Variants in AVEN observed in about 807,000 individuals in gnomAD.
The protein encoded by AVEN is apoptosis and caspase activation inhibitor.
Under a neutral mutation model 38.1 loss-of-function variants are expected in AVEN, and 41 were observed. The ratio of observed to expected loss-of-function variants is 1.08; its 90% CI spans 0.84 to 1.40. The LOEUF is 1.40. AVEN is among the 40% of genes most tolerant of loss of function. The probability of loss-of-function intolerance (pLI) is 0.00; values close to 1 mark genes in which losing one functional copy is unlikely to be tolerated. For synonymous variants in AVEN, 206 were observed against 171.8 expected (o/e 1.20, Z -1.56); for missense variants, 605 against 438.8 (o/e 1.38, Z -3.38).
rs148035145 is a variant in AVEN, at chr15:33,983,215, C to CAT, written c.445+19815_445+19816dup. The stretch of plus-strand genomic sequence containing the variant: ...GTATGTGTGTGTATATATATATATA[C>CAT]ATATATATACACACACATACACACA... On this transcript the variant is annotated intron_variant, in intron 2 of 5. Coordinates refer to ENST00000306730, the MANE Select transcript of AVEN (RefSeq NM_020371.3). Among the ~76,000 whole-genome samples the CAT allele has an allele frequency of 1.1e-3, 121 of 111,810 alleles. 1 individual carries two copies. The highest frequency in any genetic ancestry group is 3.6e-3 in the African/African-American group (89 of 24,464). The allele number at this position is 111,810 out of a possible 152,430, so 73.4% of individuals were successfully genotyped here.
chr15:34,056,073 T>C (rs999257265), intron 5 of AVEN, among the ~76,000 whole-genome samples: 3 of 152,188 alleles, frequency 2.0e-5, no homozygotes, highest in Non-Finnish European at 4.4e-5. Flanking sequence ...ACTCAAAATA[T>C]GCTGAGGGCT....
At chr15:33,908,786 TA>T (rs1219044882) in intron 2 of AVEN, among the ~76,000 whole-genome samples, 3 of 152,166 alleles carry the variant, frequency 2.0e-5, no homozygotes, top group African/African-American at 7.2e-5. Flanking sequence ...ATCAATATTT[TA>T]AAAAGACAAA....
intron 11 of AVEN, among the ~76,000 whole-genome samples, chr15:33,860,159 T>C (rs2080183647): frequency 6.6e-6 from 1 of 152,130 alleles, no homozygotes; most frequent in Admixed American, 6.5e-5. Context: ...GATGATAAAT[T>C]TAGCTTGAGT....
At chr15:33,970,996 T>A (rs913867530) in intron 2 of AVEN, among the ~76,000 whole-genome samples, 1 of 151,990 alleles carries the variant, frequency 6.6e-6, no homozygotes, top group Non-Finnish European at 1.5e-5. Context: ...GAAAAGTGAT[T>A]ACTGAAGTTT....
At position 33,963,353 on chromosome 15, in the gene AVEN, T is replaced by G. The variant is rs146184900; in HGVS notation, c.445+39679A>C. 2.7e-3 allele frequency among the ~76,000 whole-genome samples: 410 copies of G among 152,298 alleles called. 2 individuals are homozygous for G. Among genetic ancestry groups the G allele is most frequent in the Non-Finnish European group, 2.7e-3 (186 of 68,024 alleles). On this transcript the variant is annotated intron_variant, in intron 2 of 5. Coordinates refer to ENST00000306730, the MANE Select transcript of AVEN (RefSeq NM_020371.3). Reference sequence around the variant, plus strand: ...GAAGATAGATCCTTTCTTTAAAATTTATCTGATATAAAGCAAAATGGAAAT... The same window carrying G: ...GAAGATAGATCCTTTCTTTAAAATTGATCTGATATAAAGCAAAATGGAAAT...
intron 2 of AVEN, among the ~76,000 whole-genome samples, chr15:33,897,332 C>CT (rs1892274373): frequency 6.6e-6 from 1 of 152,114 alleles, no homozygotes; most frequent in Non-Finnish European, 1.5e-5. Context: ...GACTCACACT[C>CT]TATCGCCCAG....
At chr15:33,853,298 C>T in the AVEN span, among the ~76,000 whole-genome samples, 3 of 152,200 alleles carry the variant, frequency 2.0e-5, no homozygotes, top group African/African-American at 7.2e-5. Context: ...TTAACACAGT[C>T]CTCATTGTTT....
intron 5 of AVEN, among the ~76,000 whole-genome samples, chr15:34,053,715 C>T (rs1225875411): frequency 2.0e-5 from 3 of 152,024 alleles, no homozygotes; most frequent in Non-Finnish European, 4.4e-5. Context: ...AAACCCAAAA[C>T]TATAAAAACT....
chr15:33,984,742 G>T (rs1305308113), intron 2 of AVEN, among the ~76,000 whole-genome samples: 1 of 152,106 alleles, frequency 6.6e-6, no homozygotes, highest in Non-Finnish European at 1.5e-5. Flanking sequence ...TTTCATTGAA[G>T]AACAAACATC....
upstream of AVEN, among the ~76,000 whole-genome samples, chr15:34,041,071 A>G (rs1899455779): frequency 6.6e-6 from 1 of 151,904 alleles, no homozygotes; most frequent in Non-Finnish European, 1.5e-5. Context: ...ATTTGCACAA[A>G]TCGGAGTTTC....
chr15:33,944,576 G>A lies in AVEN; in HGVS notation c.445+58456C>T, dbSNP rs996643613. 4.7e-4 allele frequency among the ~76,000 whole-genome samples: 71 copies of A among 152,268 alleles called. 1 individual carries two copies. The highest frequency in any genetic ancestry group is 4.1e-3 in the Admixed American group (62 of 15,294). On this transcript the variant is annotated intron_variant, in intron 2 of 5. Transcript: ENST00000306730. ...TGTAATCCCAGCACTTTGGGAGGCCGAGGCGGGTGGATCACGAGGTCAGGA... is the reference window on the plus strand; with the variant it reads ...TGTAATCCCAGCACTTTGGGAGGCCAAGGCGGGTGGATCACGAGGTCAGGA...
intron 2 of AVEN, among the ~76,000 whole-genome samples, chr15:33,947,534 G>A (rs1159649637): frequency 2.0e-5 from 3 of 152,128 alleles, no homozygotes; most frequent in Non-Finnish European, 4.4e-5. Flanking sequence ...GAACCCCTGA[G>A]GATACCAAAA....
At chr15:33,960,469 GC>G in intron 2 of AVEN, among the ~76,000 whole-genome samples, 1 of 151,796 alleles carries the variant, frequency 6.6e-6, no homozygotes, top group South Asian at 2.1e-4. Flanking sequence ...AGATTTTGTT[GC>G]CACTTCCACT....
chr15:33,987,867 C>A (rs1007280987), intron 2 of AVEN, among the ~76,000 whole-genome samples: 2 of 152,204 alleles, frequency 1.3e-5, no homozygotes, highest in African/African-American at 4.8e-5. Context: ...AGCTTTCTGG[C>A]CCCATGGAAA....
chr15:33,870,329 C>T (rs1355261223), intron 4 of AVEN, among the ~76,000 whole-genome samples: 1 of 152,178 alleles, frequency 6.6e-6, no homozygotes. Context: ...TCCAATCCCA[C>T]AGTCTTCTCT....
upstream of AVEN, among the ~76,000 whole-genome samples, chr15:34,042,712 A>G (rs1899523080): frequency 1.3e-5 from 2 of 151,964 alleles, no homozygotes; most frequent in Admixed American, 1.3e-4. Flanking sequence ...AACCTAAGTT[A>G]TTTTTTAAAT....
intron 2 of AVEN, among the ~76,000 whole-genome samples, chr15:33,944,351 A>G (rs2153054507): frequency 6.6e-6 from 1 of 152,358 alleles, no homozygotes; most frequent in African/African-American, 2.4e-5. Flanking sequence ...GCCGGCAACT[A>G]TAACGTGTCC....
At chr15:33,948,824 C>G (rs545674635) in intron 2 of AVEN, among the ~76,000 whole-genome samples, 50 of 152,248 alleles carry the variant, frequency 3.3e-4, no homozygotes, top group Non-Finnish European at 6.0e-4. Context: ...AGGTGCCCAT[C>G]ACCACGTCTG....
intron 2 of AVEN, among the ~76,000 whole-genome samples, chr15:33,984,029 C>A (rs946736344): frequency 6.6e-6 from 1 of 151,310 alleles, no homozygotes; most frequent in Non-Finnish European, 1.5e-5. Flanking sequence ...GAAACTGTCA[C>A]AAATAAGAAG....
Sources: allele counts gnomAD v4.1 joint callset (sites outside exome capture counted in the v4.1 genomes callset), GRCh38; gene constraint gnomAD v4.1.1; transcripts MANE v1.5; gene names NCBI Gene and HGNC (gene_info 2026-07-23, HGNC 2026-07-21).